KMT2C: variants seen among roughly 807,000 people sequenced by gnomAD.
KMT2C encodes lysine methyltransferase 2C, also known as histone-lysine N-methyltransferase 2C.
Under a neutral mutation model 507.9 loss-of-function variants are expected in KMT2C, and 88 were observed. The ratio of observed to expected loss-of-function variants is 0.17; its 90% CI spans 0.15 to 0.21. KMT2C has a LOEUF of 0.21. KMT2C is among the 10% of genes least tolerant of loss of function. KMT2C has a pLI of 1.00. For synonymous variants in KMT2C, 2,049 were observed against 2,080.8 expected (o/e 0.98, Z 0.42); for missense variants, 4,954 against 5,957.8 (o/e 0.83, Z 5.55).
At chr7:152,357,188 C>T (rs1291075404) in intron 2 of KMT2C, among the ~76,000 whole-genome samples, 2 of 151,870 alleles carry the variant, frequency 1.3e-5, no homozygotes, top group Admixed American at 6.6e-5. Context: ...GATCACACCA[C>T]TGTAGTCCAG....
At chr7:152,193,350 G>C (rs1255659331) in intron 31 of KMT2C, among the ~76,000 whole-genome samples, 1 of 152,122 alleles carries the variant, frequency 6.6e-6, no homozygotes, top group Admixed American at 6.5e-5. Context: ...GTAGCTAGTT[G>C]TAAGTAGGCA....
chr7:152,375,128 C>T (rs998114747), intron 1 of KMT2C, among the ~76,000 whole-genome samples: 1 of 152,134 alleles, frequency 6.6e-6, no homozygotes, highest in South Asian at 2.1e-4. Context: ...CTGCAACCTC[C>T]GCCTCCCAGG....
chr7:152,292,695 T>C (rs749803377), intron 6 of KMT2C, among the ~76,000 whole-genome samples: 9 of 152,188 alleles, frequency 5.9e-5, no homozygotes, highest in Non-Finnish European at 1.2e-4. Context: ...TCCACCCCTC[T>C]GTAGCCTTCA....
At chr7:152,378,521 G>A (rs2097346571) in intron 1 of KMT2C, among the ~76,000 whole-genome samples, 1 of 152,208 alleles carries the variant, frequency 6.6e-6, no homozygotes, top group Admixed American at 6.5e-5. Flanking sequence ...ATAGACTGCA[G>A]TAGAATATAA....
chr7:152,262,368 C>G (rs1336845542), intron 9 of KMT2C, among the ~76,000 whole-genome samples: 1 of 152,200 alleles, frequency 6.6e-6, no homozygotes, highest in Non-Finnish European at 1.5e-5. Context: ...ACACCAGCAG[C>G]CCAGGAAGAC....
At chr7:152,371,317 T>C (rs959785804) in intron 1 of KMT2C, among the ~76,000 whole-genome samples, 1 of 152,124 alleles carries the variant, frequency 6.6e-6, no homozygotes, top group African/African-American at 2.4e-5. Flanking sequence ...CAGCTTAAAA[T>C]AGACTATTAA....
At chr7:152,192,096 C>T (rs746197731) in intron 31 of KMT2C, among the ~76,000 whole-genome samples, 14 of 150,954 alleles carry the variant, frequency 9.3e-5, no homozygotes, top group African/African-American at 1.2e-4. Flanking sequence ...TGAGACTGCA[C>T]AATGAAGTGA....
intron 1 of KMT2C, among the ~76,000 whole-genome samples, chr7:152,412,211 G>A (rs1163574656): frequency 6.6e-6 from 1 of 152,150 alleles, no homozygotes; most frequent in Non-Finnish European, 1.5e-5. Context: ...GACCAGTCTG[G>A]CCAACATGGT....
At chr7:152,392,897 G>C (rs1259239660) in intron 1 of KMT2C, among the ~76,000 whole-genome samples, 1 of 152,046 alleles carries the variant, frequency 6.6e-6, no homozygotes, top group Admixed American at 6.6e-5. Context: ...TTTTTTGAAG[G>C]AAGAAAGGGC....
chr7:152,375,504 G>A (rs181355956), intron 1 of KMT2C, among the ~76,000 whole-genome samples: 6 of 150,804 alleles, frequency 4.0e-5, no homozygotes, highest in African/African-American at 1.5e-4. Flanking sequence ...TTCTGCCTCA[G>A]TCTCCCAAGT....
At chr7:152,143,086 G>A (rs1378478364) in intron 55 of KMT2C, among the ~76,000 whole-genome samples, 1 of 152,122 alleles carries the variant, frequency 6.6e-6, no homozygotes, top group East Asian at 1.9e-4. Flanking sequence ...TCGAGAACAC[G>A]AATGGGTATA....
intron 1 of KMT2C, among the ~76,000 whole-genome samples, chr7:152,422,284 TAAAA>T (rs11423616): frequency 1.0e-5 from 1 of 97,400 alleles, no homozygotes; most frequent in African/African-American, 3.8e-5. Flanking sequence ...CAGTCTCTAC[TAAAA>T]AAAAAAAAAA....
chr7:152,325,204 T>C (rs989900921), intron 3 of KMT2C, among the ~76,000 whole-genome samples: 3 of 151,896 alleles, frequency 2.0e-5, no homozygotes, highest in African/African-American at 4.8e-5. Flanking sequence ...CAGGCTGGAG[T>C]GCAATGGTGC....
rs943926624 is a variant in KMT2C, at chr7:152,139,064, G to A, written c.14534+122C>T. 4.8e-6 allele frequency: 5 copies of A among 1,036,216 alleles called. No homozygotes were observed. The African/African-American group carries it at 7.9e-5, about 16-fold the overall frequency. 64.2% of individuals were successfully genotyped at this position (1,036,216 alleles called of 1,614,324 possible). A position where few individuals can be genotyped will look rare whatever the true frequency, so the allele number is the denominator to read the frequency against. ...TTAAATAAAAATTCTCAACTCATTT[G>A]CTCTGAATGTTTAGTCACCGCCAGG... On this transcript the variant is annotated intron_variant, in intron 57 of 58. Coordinates refer to ENST00000262189, the MANE Select transcript of KMT2C (RefSeq NM_170606.3).
intron 3 of KMT2C, among the ~76,000 whole-genome samples, chr7:152,317,859 G>T (rs1354037038): frequency 6.6e-6 from 1 of 152,138 alleles, no homozygotes; most frequent in Non-Finnish European, 1.5e-5. Flanking sequence ...AAGAAAAAGA[G>T]GATGGGCATG....
intron 18 of KMT2C, among the ~76,000 whole-genome samples, chr7:152,226,644 C>A (rs1245975744): frequency 6.6e-6 from 1 of 152,048 alleles, no homozygotes; most frequent in Non-Finnish European, 1.5e-5. Flanking sequence ...GTATTATTTG[C>A]CCAAATGAAG....
At chr7:152,374,648 C>T (rs776864305) in intron 1 of KMT2C, among the ~76,000 whole-genome samples, 5 of 151,992 alleles carry the variant, frequency 3.3e-5, no homozygotes, top group Non-Finnish European at 7.4e-5. Flanking sequence ...CCTGTAATCC[C>T]AGCACTTTGG....
chr7:152,163,040 G>A lies in KMT2C; in HGVS notation c.10537C>T (p.Pro3513Ser), dbSNP rs2129104176. The A allele has an allele frequency of 1.2e-6, 2 of 1,614,222 alleles. No individual in the cohort carries two copies. Among genetic ancestry groups the A allele is most frequent in the Non-Finnish European group, 1.7e-6 (2 of 1,180,040 alleles). ...QTNERRQVGP[P>S]SFVPDSPSIP... ...GATGGTGAATCAGGAACAAATGAAG[G>A]AGGGCCTACCTGCCTTCGCTCATTA... Residue 3513 changes from proline (P) to serine (S), a missense_variant, in exon 43 of 59, where the codon CCT becomes TCT. Pro to Ser is a moderately conservative substitution (Grantham distance 74, BLOSUM62 -1). Coordinates refer to ENST00000262189, the MANE Select transcript of KMT2C (RefSeq NM_170606.3).
Position 152,387,324 on chromosome 7 carries a change from A to C in KMT2C, c.162-28649T>G, listed in dbSNP as rs2097438022. Among the ~76,000 whole-genome samples the C allele has an allele frequency of 2.0e-5, 3 of 152,018 alleles. 1 individual carries two copies. The South Asian group carries it at 6.2e-4, about 31-fold the overall frequency. Reference sequence around the variant, plus strand: ...TATATGTAGTTATTGGTAATTTTTCAAAAATAGAATATAATGAAAAAACTT... The same window carrying C: ...TATATGTAGTTATTGGTAATTTTTCCAAAATAGAATATAATGAAAAAACTT... On this transcript the variant is annotated intron_variant, in intron 1 of 58. Transcript: ENST00000262189.
Sources: allele counts gnomAD v4.1 joint callset (sites outside exome capture counted in the v4.1 genomes callset), GRCh38; gene constraint gnomAD v4.1.1; transcripts MANE v1.5; gene names NCBI Gene and HGNC (gene_info 2026-07-23, HGNC 2026-07-21).